PCSK2: variants seen among roughly 807,000 people sequenced by gnomAD.
PCSK2 encodes proprotein convertase subtilisin/kexin type 2, also known as neuroendocrine convertase 2.
A neutral mutation model predicts 69.7 loss-of-function variants in PCSK2; 14 were observed. The observed-to-expected ratio is 0.20, with a 90% CI of 0.13 to 0.31. PCSK2 has a LOEUF of 0.31. Ranked by LOEUF, PCSK2 falls within the 10% of genes least tolerant of loss-of-function variation. The pLI is 1.00. For synonymous variants in PCSK2, 307 were observed against 320.7 expected (o/e 0.96, Z 0.46); for missense variants, 544 against 842.5 (o/e 0.65, Z 4.39).
chr20:17,242,923 TG>T (rs1986635673), intron 1 of PCSK2, among the ~76,000 whole-genome samples: 1 of 152,198 alleles, frequency 6.6e-6, no homozygotes, highest in Non-Finnish European at 1.5e-5. Flanking sequence ...TTCTCATTGG[TG>T]GGTTTTATGG....
At chr20:17,417,106 T>C (rs1453715476) in intron 6 of PCSK2, among the ~76,000 whole-genome samples, 3 of 152,184 alleles carry the variant, frequency 2.0e-5, no homozygotes, top group African/African-American at 7.2e-5. Flanking sequence ...CAAATCAACA[T>C]GGCACATGTA....
chr20:17,321,934 G>A (rs1007840427), intron 2 of PCSK2, among the ~76,000 whole-genome samples: 14 of 152,108 alleles, frequency 9.2e-5, no homozygotes, highest in South Asian at 2.1e-4. Context: ...AAAAATTATC[G>A]TTCATGCTTT....
At chr20:17,405,434 G>T (rs929179870) in intron 5 of PCSK2, among the ~76,000 whole-genome samples, 5 of 152,150 alleles carry the variant, frequency 3.3e-5, no homozygotes, top group Non-Finnish European at 7.3e-5. Flanking sequence ...TAAAAGCAAT[G>T]GGCACAGCCA....
At chr20:17,236,294 A>G (rs1315204378) in intron 1 of PCSK2, among the ~76,000 whole-genome samples, 1 of 152,160 alleles carries the variant, frequency 6.6e-6, no homozygotes, top group Non-Finnish European at 1.5e-5. Flanking sequence ...CAAAGGAGAT[A>G]TTATTTCCTA....
intron 2 of PCSK2, among the ~76,000 whole-genome samples, chr20:17,353,888 A>G (rs80240066): frequency 0.013 from 1,914 of 152,312 alleles, 14 homozygotes; most frequent in East Asian, 0.034. Flanking sequence ...TAAGCAAATT[A>G]ACACCTGAAC....
intron 2 of PCSK2, among the ~76,000 whole-genome samples, chr20:17,331,001 C>T (rs1990191885): frequency 1.3e-5 from 2 of 152,204 alleles, no homozygotes; most frequent in South Asian, 4.1e-4. Flanking sequence ...GATCACATGG[C>T]CTTCCCAGGT....
chr20:17,253,587 A>G (rs1466958125), intron 1 of PCSK2, among the ~76,000 whole-genome samples: 7 of 152,092 alleles, frequency 4.6e-5, no homozygotes, highest in Admixed American at 4.6e-4. Flanking sequence ...CATATATATC[A>G]TTTTGTTTAC....
At chr20:17,387,990 A>G (rs1031489892) in intron 5 of PCSK2, among the ~76,000 whole-genome samples, 1 of 152,198 alleles carries the variant, frequency 6.6e-6, no homozygotes, top group Non-Finnish European at 1.5e-5. Context: ...AGCTATCCCT[A>G]TGCTGATACC....
chr20:17,461,539 A>T (rs919722349), intron 10 of PCSK2, among the ~76,000 whole-genome samples: 3 of 152,240 alleles, frequency 2.0e-5, no homozygotes, highest in African/African-American at 7.2e-5. Context: ...TCTCCTGTTG[A>T]CTTCTAGAAT....
upstream of PCSK2, among the ~76,000 whole-genome samples, chr20:17,226,741 C>A (rs1985917297): frequency 6.6e-6 from 1 of 151,386 alleles, no homozygotes; most frequent in African/African-American, 2.4e-5. Flanking sequence ...GGGCGCGCGG[C>A]GGGCCAGGCT....
chr20:17,379,585 G>C (rs1414184440), intron 5 of PCSK2, among the ~76,000 whole-genome samples: 1 of 152,174 alleles, frequency 6.6e-6, no homozygotes, highest in Non-Finnish European at 1.5e-5. Flanking sequence ...ATTTTTCCTT[G>C]AAGACAAAGA....
At chr20:17,393,038 T>C (rs976035411) in intron 5 of PCSK2, among the ~76,000 whole-genome samples, 1 of 152,198 alleles carries the variant, frequency 6.6e-6, no homozygotes, top group African/African-American at 2.4e-5. Context: ...GAGTTCAGAA[T>C]GCTTTACTCT....
chr20:17,262,274 C>T (rs1317741380), intron 2 of PCSK2, among the ~76,000 whole-genome samples: 2 of 152,174 alleles, frequency 1.3e-5, no homozygotes, highest in African/African-American at 2.4e-5. Flanking sequence ...CCAATTGCCT[C>T]TATCTGGTAG....
chr20:17,289,298 TA>T (rs1049323917), intron 2 of PCSK2, among the ~76,000 whole-genome samples: 3 of 151,770 alleles, frequency 2.0e-5, no homozygotes, highest in East Asian at 1.9e-4. Context: ...AGTTTTGCAT[TA>T]AAAAAAATAA....
rs1452469437 is a variant in PCSK2, at chr20:17,484,357, T to A, written c.*2287T>A. ...TTTGGTCTCTATTTCATTTTTTGCA[T>A]CAGTATTAATACTAAAATATGTCTC... On this transcript the variant is annotated 3_prime_UTR_variant, in exon 12 of 12. Coordinates refer to ENST00000262545, the MANE Select transcript of PCSK2 (RefSeq NM_002594.5). 1 of 152,536 alleles carries A rather than the reference T, an allele frequency of 6.6e-6. No individual in the cohort carries two copies. The highest frequency in any genetic ancestry group is 2.4e-5 in the African/African-American group (1 of 41,454). 9.4% of individuals were successfully genotyped at this position (152,536 alleles called of 1,614,324 possible).
chr20:17,336,622 T>C (rs190645662), intron 2 of PCSK2, among the ~76,000 whole-genome samples: 25 of 152,346 alleles, frequency 1.6e-4, no homozygotes, highest in Admixed American at 1.1e-3. Context: ...AATGTGAAGC[T>C]GGTTAAGCAG....
rs531668566 is a variant in PCSK2, at chr20:17,458,918, C to T, written c.1202+2470C>T. Among the ~76,000 whole-genome samples, 7 of 152,054 alleles carry T rather than the reference C, an allele frequency of 4.6e-5. No homozygotes were observed. In the South Asian group the frequency reaches 8.4e-4, roughly 18 times the overall value. On this transcript the variant is annotated intron_variant, in intron 10 of 11. Coordinates refer to ENST00000262545, the MANE Select transcript of PCSK2 (RefSeq NM_002594.5). ...TTTAGTGGGGGATGACTGCCACCTTCGAATATTTAGGTTTCTCTCATATGA... is the reference window on the plus strand; with the variant it reads ...TTTAGTGGGGGATGACTGCCACCTTTGAATATTTAGGTTTCTCTCATATGA...
intron 2 of PCSK2, among the ~76,000 whole-genome samples, chr20:17,323,144 C>T (rs1354840630): frequency 3.3e-5 from 5 of 152,192 alleles, no homozygotes; most frequent in African/African-American, 9.7e-5. Flanking sequence ...GGATTACAGG[C>T]GTGAGTCACC....
chr20:17,348,584 G>A (rs2029883330), intron 2 of PCSK2, among the ~76,000 whole-genome samples: 1 of 152,138 alleles, frequency 6.6e-6, no homozygotes, highest in South Asian at 2.1e-4. Flanking sequence ...CTCTCATATG[G>A]GGGGCCACAG....
Sources: allele counts gnomAD v4.1 joint callset (sites outside exome capture counted in the v4.1 genomes callset), GRCh38; gene constraint gnomAD v4.1.1; transcripts MANE v1.5; gene names NCBI Gene and HGNC (gene_info 2026-07-23, HGNC 2026-07-21).